Variants in GRIK3 observed in about 807,000 individuals in gnomAD.
GRIK3 encodes the protein glutamate ionotropic receptor kainate type subunit 3.
GRIK3 carries 29 observed loss-of-function variants against 102.5 expected under a neutral mutation model. The observed-to-expected ratio is 0.28, with a 90% CI of 0.21 to 0.39. GRIK3 has a LOEUF of 0.39. GRIK3 is among the 10% of genes least tolerant of loss of function. The pLI, the probability that GRIK3 is intolerant of heterozygous loss-of-function variation, is 1.00. For missense variants in GRIK3, 908 were observed against 1,252.4 expected (o/e 0.73, Z 4.15); for synonymous variants, 511 against 504.9 (o/e 1.01, Z -0.16).
At chr1:37,030,535 A>ACCCCCCCCCCCC (rs1312336665) in intron 1 of GRIK3, among the ~76,000 whole-genome samples, 1 of 69,908 alleles carries the variant, frequency 1.4e-5, no homozygotes, top group Admixed American at 1.5e-4. Context: ...CCTTTTCCCC[A>ACCCCCCCCCCCC]CCCCCCACCC....
chr1:36,952,729 A>G (rs546633221), intron 1 of GRIK3, among the ~76,000 whole-genome samples: 7 of 152,344 alleles, frequency 4.6e-5, no homozygotes, highest in African/African-American at 7.2e-5. Context: ...ATGAATGAAT[A>G]AATGACTATT....
intron 1 of GRIK3, among the ~76,000 whole-genome samples, chr1:36,988,084 AGTTCAAGACCAGCCTGGTCAACATAGT>A (rs1379279509): frequency 6.6e-6 from 1 of 152,104 alleles, no homozygotes; most frequent in Non-Finnish European, 1.5e-5. Flanking sequence ...TGAGGTCAGG[AGTTCAAGACCAGCCTGGTCAACATAGT>A]GAAACCCTGT....
chr1:37,030,111 G>A (rs546249136), intron 1 of GRIK3, among the ~76,000 whole-genome samples: 15 of 152,324 alleles, frequency 9.8e-5, no homozygotes, highest in African/African-American at 2.9e-4. Flanking sequence ...CTGAAAAGTG[G>A]AGGTAGAAAT....
intron 1 of GRIK3, among the ~76,000 whole-genome samples, chr1:36,909,689 C>T (rs1641324988): frequency 6.6e-6 from 1 of 152,064 alleles, no homozygotes. Flanking sequence ...TCTGAGAAGG[C>T]TCTGTAGCTT....
At chr1:36,972,091 G>A (rs572206889) in intron 1 of GRIK3, among the ~76,000 whole-genome samples, 3 of 152,334 alleles carry the variant, frequency 2.0e-5, no homozygotes, top group South Asian at 4.1e-4. Flanking sequence ...TTTACTTAGC[G>A]GCAGTAATCA....
chr1:36,908,316 G>C (rs1439679606), intron 1 of GRIK3, among the ~76,000 whole-genome samples: 1 of 152,212 alleles, frequency 6.6e-6, no homozygotes, highest in Non-Finnish European at 1.5e-5. Flanking sequence ...AGTGTTGCTG[G>C]AGATGGGGAA....
intron 2 of GRIK3, among the ~76,000 whole-genome samples, chr1:36,889,852 G>A (rs1052242302): frequency 2.0e-5 from 3 of 152,138 alleles, no homozygotes; most frequent in Admixed American, 6.5e-5. Flanking sequence ...TTGTACCCAC[G>A]AGGGCCTCTG....
At chr1:36,991,085 G>A (rs1410017336) in intron 1 of GRIK3, among the ~76,000 whole-genome samples, 1 of 152,118 alleles carries the variant, frequency 6.6e-6, no homozygotes, top group African/African-American at 2.4e-5. Flanking sequence ...GAGCCCCAGA[G>A]TCTGTATCAC....
chr1:36,828,630 A>G (rs1642781616), intron 10 of GRIK3, among the ~76,000 whole-genome samples: 4 of 152,168 alleles, frequency 2.6e-5, no homozygotes, highest in South Asian at 2.1e-4. Context: ...CTCAGAATGT[A>G]TTCCTGTTGT....
chr1:36,956,908 C>T (rs1044975415), intron 1 of GRIK3, among the ~76,000 whole-genome samples: 16 of 152,266 alleles, frequency 1.1e-4, no homozygotes, highest in Admixed American at 2.0e-4. Context: ...ATTCATTGTT[C>T]GTTCACTTAC....
At chr1:36,816,913 G>C in intron 13 of GRIK3, 147 bp downstream of exon 13, 1 of 628,590 alleles carries the variant, frequency 1.6e-6, no homozygotes, top group South Asian at 2.0e-5. Context: ...AAGTCAACTA[G>C]TCCAAACACG....
At position 36,872,232 on chromosome 1, in the gene GRIK3, T is replaced by C; in HGVS notation, c.688A>G (p.Ile230Val). 6.2e-7 allele frequency: 1 copy of C among 1,611,754 alleles called. No homozygotes were observed. Among genetic ancestry groups the C allele is most frequent in the Non-Finnish European group, 8.5e-7 (1 of 1,178,844 alleles). The change falls in exon 4 of 16, where the codon ATC (isoleucine) becomes GTC (valine). Residue 230 changes from isoleucine to valine, a missense_variant. This residue lies in a region of GRIK3 where 585 missense variants were observed against 824.9 expected (regional missense o/e 0.71). Transcript: ENST00000373091. This position sits in a 1 kb window ranked among gnomAD's most constrained non-coding sequence, Gnocchi z 5.9. ...EMKRGREFRI[I>V]FDCSHTMAAQ... ...GCCATAGTGTGGCTGCAGTCGAAGATAATGCGGAATTCCCGGCCTCGCTTC... is the reference window on the plus strand; with the variant it reads ...GCCATAGTGTGGCTGCAGTCGAAGACAATGCGGAATTCCCGGCCTCGCTTC...
intron 1 of GRIK3, among the ~76,000 whole-genome samples, chr1:37,009,118 C>G (rs2124050008): frequency 6.6e-6 from 1 of 151,982 alleles, no homozygotes; most frequent in Admixed American, 6.6e-5. Context: ...CAACCTCGAA[C>G]TGTTGTTGTG....
At chr1:36,927,572 T>C (rs904363909) in intron 1 of GRIK3, among the ~76,000 whole-genome samples, 2 of 152,152 alleles carry the variant, frequency 1.3e-5, no homozygotes, top group Non-Finnish European at 2.9e-5. Context: ...CCACACTCCA[T>C]GTCGCCTTAT....
chr1:36,867,508 C>T (rs557452044), intron 5 of GRIK3, among the ~76,000 whole-genome samples: 1 of 152,080 alleles, frequency 6.6e-6, no homozygotes, highest in African/African-American at 2.4e-5. Context: ...CAGAAACCAC[C>T]CTTGGGACAG....
intron 15 of GRIK3, chr1:36,804,720 G>A: frequency 5.4e-6 from 3 of 553,492 alleles, no homozygotes; most frequent in Non-Finnish European, 9.5e-6. Flanking sequence ...TGTTGGGGAA[G>A]CATGGAGGCT....
intron 1 of GRIK3, among the ~76,000 whole-genome samples, chr1:36,895,666 T>C (rs982133009): frequency 6.6e-6 from 1 of 151,812 alleles, no homozygotes; most frequent in African/African-American, 2.4e-5. Context: ...CTAATGGAAA[T>C]GCAAGAAGGA....
chr1:36,996,020 T>C (rs569719194), intron 1 of GRIK3, among the ~76,000 whole-genome samples: 1 of 152,274 alleles, frequency 6.6e-6, no homozygotes, highest in South Asian at 2.1e-4. Flanking sequence ...AGTATACTCG[T>C]AGCTGATGTC....
At chr1:37,031,252 G>A (rs750758557) in intron 1 of GRIK3, among the ~76,000 whole-genome samples, 7 of 151,762 alleles carry the variant, frequency 4.6e-5, no homozygotes, top group African/African-American at 7.3e-5. Context: ...ATTTTTTCTC[G>A]CAGACTACAA....
Sources: allele counts gnomAD v4.1 joint callset (sites outside exome capture counted in the v4.1 genomes callset), GRCh38; gene constraint gnomAD v4.1.1; regional missense constraint gnomAD v4.1.1; non-coding constraint Gnocchi (gnomAD v3.1); transcripts MANE v1.5; gene names NCBI Gene and HGNC (gene_info 2026-07-23, HGNC 2026-07-21).